The following MMP24 variants were observed in gnomAD, a reference collection of about 807,000 sequenced individuals.
MMP24 encodes the protein matrix metallopeptidase 24, also known as matrix metalloproteinase-24.
In MMP24, 25 loss-of-function variants were observed where a neutral mutation model predicts 62.8. That is an observed-to-expected ratio of 0.40 (90% CI 0.29 to 0.56). The LOEUF (loss-of-function observed/expected upper bound fraction) is 0.56. MMP24 is among the 20% of genes least tolerant of loss of function. MMP24 has a pLI of 0.50. For synonymous variants in MMP24, 319 were observed against 350.5 expected (o/e 0.91, Z 1.00); for missense variants, 634 against 853.6 (o/e 0.74, Z 3.21).
rs2146251448 is a variant in MMP24, at chr20:35,276,484, G to A, written c.*1875G>A. 1 of 394,518 alleles carries A rather than the reference G, an allele frequency of 2.5e-6. No individual in the cohort carries two copies. The highest frequency in any genetic ancestry group is 6.4e-4 in the Middle Eastern group (1 of 1,568). 24.4% of individuals were successfully genotyped at this position (394,518 alleles called of 1,614,324 possible). ...GCACAGAGAGGTTGTTACTTGCCCG[G>A]GCCATCCAGTGGGCTGGCTGGGTCT... On this transcript the variant is annotated 3_prime_UTR_variant, in exon 9 of 9. Coordinates refer to ENST00000246186, the MANE Select transcript of MMP24 (RefSeq NM_006690.4).
At chr20:35,265,222 C>CCTGA (rs1197023939) in intron 5 of MMP24, among the ~76,000 whole-genome samples, 1 of 151,968 alleles carries the variant, frequency 6.6e-6, no homozygotes. Context: ...CGGGCGATTA[C>CCTGA]CTGAGGTCAG....
chr20:35,274,547 A>C lies in MMP24; in HGVS notation c.1876A>C (p.Lys626Gln). The change falls in exon 9 of 9, where the codon AAG becomes CAG. Residue 626 changes from lysine to glutamine, a missense_variant. Lys to Gln is a moderately conservative substitution (Grantham distance 53). This residue lies in a region of MMP24 where 399 missense variants were observed against 530.8 expected (regional missense o/e 0.75). Coordinates refer to ENST00000246186, the MANE Select transcript of MMP24 (RefSeq NM_006690.4). The surrounding 1 kb of genome is among the most constrained non-coding windows in gnomAD (Gnocchi z 5.1). The stretch of plus-strand genomic sequence containing the variant: ...GCTGGTCTACACCATCTTCCAGTTC[A>C]AGAACAAGACAGGCCCTCAGCCTGT... ...LVLVYTIFQF[K>Q]NKTGPQPVTY... 3.7e-6 allele frequency: 6 copies of C among 1,614,026 alleles called. No individual in the cohort carries two copies. Among genetic ancestry groups the C allele is most frequent in the Non-Finnish European group, 4.2e-6 (5 of 1,179,874 alleles).
At chr20:35,252,373 T>C (rs1225403751) in intron 3 of MMP24, among the ~76,000 whole-genome samples, 1 of 152,174 alleles carries the variant, frequency 6.6e-6, no homozygotes, top group Non-Finnish European at 1.5e-5. Flanking sequence ...GTGAGCTATA[T>C]CATGCCACTG....
At chr20:35,238,322 G>C (rs1449618412) in intron 1 of MMP24, among the ~76,000 whole-genome samples, 1 of 152,220 alleles carries the variant, frequency 6.6e-6, no homozygotes, top group Non-Finnish European at 1.5e-5. Context: ...ATGCATTTTA[G>C]AGTCAGGAGG....
rs144291378 is a variant in MMP24 at position 35,246,157 on chromosome 20, C to T, written c.247-683C>T. On this transcript the variant is annotated intron_variant, in intron 1 of 8. Coordinates refer to ENST00000246186, the MANE Select transcript of MMP24 (RefSeq NM_006690.4). ...ATTTTCAAAATACCACTCTGCATCA[C>T]GGAATCAGCCGTGCTGGCCGGGCGC... is the stretch of plus-strand genomic sequence containing the variant. Among the ~76,000 whole-genome samples, 337 of 152,002 alleles carry T rather than the reference C, an allele frequency of 2.2e-3. 1 individual carries two copies. Among genetic ancestry groups the T allele is most frequent in the African/African-American group, 7.8e-3 (324 of 41,466 alleles).
At position 35,267,814 on chromosome 20, in the gene MMP24, G is replaced by C; in HGVS notation, c.1194+395G>C. The C allele has an allele frequency of 1.1e-5, 3 of 265,178 alleles. No individual in the cohort carries two copies. The South Asian group carries it at 1.2e-4, about 11-fold the overall frequency. The allele number at this position is 265,178 out of a possible 1,614,324, so 16.4% of individuals were successfully genotyped here. On this transcript the variant is annotated intron_variant, in intron 6 of 8. Transcript: ENST00000246186. Reference sequence around the variant, plus strand: ...GATGGTCAACTTGGAGTAGGGGCTAGGTCAGTGGTGGCTGAGTCTGACTCC... The same window carrying C: ...GATGGTCAACTTGGAGTAGGGGCTACGTCAGTGGTGGCTGAGTCTGACTCC...
chr20:35,234,817 G>T (rs185181459), intron 1 of MMP24, among the ~76,000 whole-genome samples: 117 of 152,324 alleles, frequency 7.7e-4, no homozygotes, highest in African/African-American at 2.6e-3. Flanking sequence ...TGAGGCTGGA[G>T]GATTGCTTGA....
chr20:35,234,626 G>T (rs1447988262), intron 1 of MMP24, among the ~76,000 whole-genome samples: 2 of 152,224 alleles, frequency 1.3e-5, no homozygotes, highest in Non-Finnish European at 2.9e-5. Flanking sequence ...GAGAGGGAAT[G>T]AAATAAAGGC....
chr20:35,239,650 G>A (rs961836987), intron 1 of MMP24, among the ~76,000 whole-genome samples: 7 of 152,076 alleles, frequency 4.6e-5, no homozygotes, highest in East Asian at 1.9e-4. Flanking sequence ...GCGAGACTTC[G>A]TCTCCACAAA....
In MMP24 at chr20:35,274,296, G is replaced by A. The variant is rs200102286; in HGVS notation, c.1625G>A (p.Arg542Gln). 4.6e-4 allele frequency: 747 copies of A among 1,612,366 alleles called. 1 individual carries two copies. The highest frequency in any genetic ancestry group is 2.4e-3 in the Admixed American group (147 of 60,012). ...EGYYTYFYKG[R>Q]DYWKFDNQKL... The stretch of plus-strand genomic sequence containing the variant: ...GATTACACCTATTTCTACAAGGGCC[G>A]GGACTACTGGAAGTTTGACAACCAG... The change falls in exon 9 of 9, where the codon CGG (arginine) becomes CAG (glutamine). Residue 542 changes from arginine (R) to glutamine (Q), a missense_variant. By Grantham distance (43) the Arg-to-Gln change is conservative. Coordinates refer to ENST00000246186, the MANE Select transcript of MMP24 (RefSeq NM_006690.4). This position sits in a 1 kb window ranked among gnomAD's most constrained non-coding sequence, Gnocchi z 5.1.
At chr20:35,239,618 C>T (rs1485510263) in intron 1 of MMP24, among the ~76,000 whole-genome samples, 2 of 152,112 alleles carry the variant, frequency 1.3e-5, no homozygotes, top group Non-Finnish European at 2.9e-5. Flanking sequence ...CCTAGGAGTT[C>T]AAGACCAGCC....
At chr20:35,262,563 C>T (rs558287950) in intron 4 of MMP24, among the ~76,000 whole-genome samples, 70 of 150,692 alleles carry the variant, frequency 4.6e-4, no homozygotes, top group Admixed American at 2.8e-3. Context: ...GGTTTTATAC[C>T]GAGACATTCC....
intron 2 of MMP24, among the ~76,000 whole-genome samples, chr20:35,250,192 A>G (rs369664541): frequency 2.6e-5 from 4 of 152,248 alleles, no homozygotes; most frequent in African/African-American, 7.2e-5. Flanking sequence ...AGGCTCAAGC[A>G]ATCTCCTGCC....
In MMP24 at chr20:35,263,968, AG is replaced by A. The variant is rs775846439; in HGVS notation, c.979+22del. 83 of 1,585,658 alleles carry A rather than the reference AG, an allele frequency of 5.2e-5. No individual in the cohort carries two copies. The East Asian group carries it at 1.7e-3, about 33-fold the overall frequency. ...AAGATCTATGGTGTGTGGCAGGGAGAGGGGGGACTGCTCCTTCCTCGGGGCT... is the reference window on the plus strand; with the variant it reads ...AAGATCTATGGTGTGTGGCAGGGAGAGGGGGACTGCTCCTTCCTCGGGGCT... On this transcript the variant is annotated intron_variant, in intron 5 of 8. Coordinates refer to ENST00000246186, the MANE Select transcript of MMP24 (RefSeq NM_006690.4).
intron 6 of MMP24, among the ~76,000 whole-genome samples, chr20:35,268,491 C>T (rs984263565): frequency 2.0e-5 from 3 of 152,242 alleles, no homozygotes; most frequent in Non-Finnish European, 4.4e-5. Flanking sequence ...TGGCTCTAGG[C>T]AAGTCACCTG....
At chr20:35,254,799 G>T (rs1241435393) in intron 4 of MMP24, 45 bp downstream of exon 4, 1 of 1,544,554 alleles carries the variant, frequency 6.5e-7, no homozygotes, top group Non-Finnish European at 8.7e-7. Context: ...CTGCTCAGTT[G>T]TTGGGAAAGA....
intron 2 of MMP24, among the ~76,000 whole-genome samples, chr20:35,249,357 C>T (rs2146213839): frequency 6.6e-6 from 1 of 152,330 alleles, no homozygotes; most frequent in Non-Finnish European, 1.5e-5. Context: ...AAATGTCACA[C>T]ATTTATTCAT....
At chr20:35,238,593 A>G (rs2060474422) in intron 1 of MMP24, among the ~76,000 whole-genome samples, 1 of 152,156 alleles carries the variant, frequency 6.6e-6, no homozygotes, top group Admixed American at 6.5e-5. Context: ...GTCAGGGACC[A>G]TATCATAAAG....
At chr20:35,240,376 T>G (rs2060483719) in intron 1 of MMP24, among the ~76,000 whole-genome samples, 1 of 151,980 alleles carries the variant, frequency 6.6e-6, no homozygotes, top group African/African-American at 2.4e-5. Context: ...CTGCTTGCAC[T>G]CTGAGATTTT....
Sources: gnomAD v4.1 joint callset for allele counts (sites outside exome capture counted in the v4.1 genomes callset) on GRCh38, gnomAD v4.1.1 for gene constraint, gnomAD v4.1.1 regional missense constraint, Gnocchi (gnomAD v3.1) non-coding constraint, MANE v1.5 for transcripts, NCBI Gene and HGNC (gene_info 2026-07-23, HGNC 2026-07-21) for gene names.